AP2A2: variants seen among roughly 807,000 people sequenced by gnomAD.
AP2A2 encodes adaptor related protein complex 2 subunit alpha 2, also known as AP-2 complex subunit alpha-2.
A neutral mutation model predicts 104.2 loss-of-function variants in AP2A2; 32 were observed. That is an observed-to-expected ratio of 0.31 (90% CI 0.23 to 0.41). AP2A2 has a LOEUF of 0.41. Ranked by LOEUF, AP2A2 falls within the 10% of genes least tolerant of loss-of-function variation. The pLI, the probability that AP2A2 is intolerant of heterozygous loss-of-function variation, is 1.00. For missense variants in AP2A2, 912 were observed against 1,261.0 expected (o/e 0.72, Z 4.19); for synonymous variants, 539 against 533.3 (o/e 1.01, Z -0.15).
intron 15 of AP2A2, 38 bp downstream of exon 15, chr11:1,000,636 G>A: frequency 6.6e-7 from 1 of 1,520,862 alleles, no homozygotes; most frequent in African/African-American, 1.4e-5. Flanking sequence ...CAGGCACGGG[G>A]CTGCCGTGCC....
rs899802077 is a variant in AP2A2 at position 968,077 on chromosome 11, G to C, written c.137-2092G>C. 4.6e-5 allele frequency among the ~76,000 whole-genome samples: 7 copies of C among 152,292 alleles called. No homozygotes were observed. The highest frequency in any genetic ancestry group is 1.7e-4 in the African/African-American group (7 of 41,574). On this transcript the variant is annotated intron_variant, in intron 2 of 21. Coordinates refer to ENST00000448903, the MANE Select transcript of AP2A2 (RefSeq NM_012305.4). This position sits in a 1 kb window ranked among gnomAD's most constrained non-coding sequence, Gnocchi z 4.2. ...CCCCACCGAGATGGGTGAGGGTGTG[G>C]AGCGAGCATTGCTGCTTGTTTCCTG... is the stretch of plus-strand genomic sequence containing the variant.
chr11:959,271 C>G (rs1457982624), intron 1 of AP2A2, among the ~76,000 whole-genome samples, 166 bp from the exon 2 acceptor site: 1 of 152,382 alleles, frequency 6.6e-6, no homozygotes, highest in African/African-American at 2.4e-5. Flanking sequence ...GCTGCAGCCC[C>G]TTCCTGCCGG....
intron 2 of AP2A2, among the ~76,000 whole-genome samples, chr11:966,813 G>C (rs7481221): frequency 0.51 from 76,946 of 151,962 alleles, 20,122 homozygotes; most frequent in Middle Eastern, 0.66. Context: ...AAGAGAAGGC[G>C]TGGAGGCTCT....
At chr11:956,983 G>C (rs767744649) in intron 1 of AP2A2, 1 of 152,186 alleles carries the variant, frequency 6.6e-6, no homozygotes, top group Non-Finnish European at 1.5e-5. Context: ...CTACCTGGAG[G>C]TAGTGTCAGA....
chr11:963,416 ACT>A lies in AP2A2; in HGVS notation c.136+3914_136+3915del, dbSNP rs550073127. ...ACTACAGCCTGGGCGACAGAGTGAG[ACT>A]CTGTCTCAGAAAAAAAAACTAAAAA... On this transcript the variant is annotated intron_variant, in intron 2 of 21. Coordinates refer to ENST00000448903, the MANE Select transcript of AP2A2 (RefSeq NM_012305.4). Among the ~76,000 whole-genome samples, 254 of 151,706 alleles carry A rather than the reference ACT, an allele frequency of 1.7e-3. 2 individuals are homozygous for A. The highest frequency in any genetic ancestry group is 6.0e-3 in the African/African-American group (248 of 41,354).
rs550776179 is a variant in AP2A2, at chr11:983,645, A to T, written c.706-1000A>T. ...TGATCCGCCCGCCTTGGCCTCTCAA[A>T]GTGCTGGGATTACAGGCGGGAGCCA... On this transcript the variant is annotated intron_variant, in intron 6 of 21. Coordinates refer to ENST00000448903, the MANE Select transcript of AP2A2 (RefSeq NM_012305.4). Among the ~76,000 whole-genome samples, 473 of 152,148 alleles carry T rather than the reference A, an allele frequency of 3.1e-3. 3 individuals carry two copies. Among genetic ancestry groups the T allele is most frequent in the Admixed American group, 7.8e-3 (120 of 15,300 alleles).
At chr11:984,253 G>T (rs2133704175) in intron 6 of AP2A2, among the ~76,000 whole-genome samples, 1 of 152,308 alleles carries the variant, frequency 6.6e-6, no homozygotes, top group Non-Finnish European at 1.5e-5. Context: ...CCTGTGGTCG[G>T]GGGGCCCTGT....
intron 1 of AP2A2, among the ~76,000 whole-genome samples, chr11:951,521 C>T (rs999048389): frequency 6.6e-5 from 10 of 150,996 alleles, no homozygotes; most frequent in South Asian, 2.1e-4. Context: ...GGCGAGACTC[C>T]GTCTCAAAAA....
intron 1 of AP2A2, among the ~76,000 whole-genome samples, chr11:931,536 A>G (rs1301660080): frequency 2.0e-5 from 3 of 152,198 alleles, no homozygotes; most frequent in Admixed American, 6.5e-5. Flanking sequence ...CAGGAAAACA[A>G]CTTCAGGCAG....
intron 1 of AP2A2, among the ~76,000 whole-genome samples, chr11:955,216 C>T (rs1854196427): frequency 1.3e-5 from 2 of 152,242 alleles, no homozygotes; most frequent in African/African-American, 2.4e-5. Context: ...CACATAGGCA[C>T]ACGCACACTG....
In AP2A2 at chr11:1,006,636, C is replaced by T. The variant is rs772194859; in HGVS notation, c.2296+19C>T. 6.3e-7 allele frequency: 1 copy of T among 1,588,746 alleles called. No homozygotes were observed. The highest frequency in any genetic ancestry group is 8.6e-7 in the Non-Finnish European group (1 of 1,158,050). ...CAGCCTAATATCCTTGGCTTCATTG[C>T]CCCATGCCCGCAGACAGCATAATGT... On this transcript the variant is annotated intron_variant, in intron 17 of 21. Transcript: ENST00000448903.
At chr11:933,570 T>C in intron 1 of AP2A2, 1 of 456,286 alleles carries the variant, frequency 2.2e-6, no homozygotes, top group South Asian at 1.5e-5. Context: ...TGTAAGGGTC[T>C]GGCCAAGACG....
intron 6 of AP2A2, 138 bp downstream of exon 6, chr11:981,437 CCTT>C (rs2133692721): frequency 2.8e-6 from 2 of 718,712 alleles, no homozygotes; most frequent in South Asian, 3.6e-5. Flanking sequence ...TCTCTGTCAG[CCTT>C]CTTGTTGAGA....
intron 1 of AP2A2, among the ~76,000 whole-genome samples, chr11:929,590 C>T (rs1011384939): frequency 1.1e-4 from 16 of 152,180 alleles, no homozygotes; most frequent in African/African-American, 3.6e-4. Flanking sequence ...TTAAGTTTTC[C>T]TCCTTTAGCC....
intron 1 of AP2A2, among the ~76,000 whole-genome samples, chr11:947,319 C>T (rs1323699270): frequency 1.3e-5 from 2 of 151,978 alleles, no homozygotes; most frequent in African/African-American, 2.4e-5. Context: ...CCCCTATCTG[C>T]CTTAAAAGAC....
intron 1 of AP2A2, among the ~76,000 whole-genome samples, chr11:932,402 C>G (rs1853318905): frequency 6.6e-6 from 1 of 152,254 alleles, no homozygotes; most frequent in Non-Finnish European, 1.5e-5. Context: ...TCTGCTTAAA[C>G]TTCAGTATAA....
At chr11:972,788 C>T (rs1487848199) in intron 4 of AP2A2, among the ~76,000 whole-genome samples, 1 of 152,250 alleles carries the variant, frequency 6.6e-6, no homozygotes, top group African/African-American at 2.4e-5. Flanking sequence ...GAAGAACGCC[C>T]ACACCCTGCC....
chr11:977,329 GTC>G (rs1445506741), intron 5 of AP2A2, 105 bp downstream of exon 5: 1 of 1,430,930 alleles, frequency 7.0e-7, no homozygotes, highest in Non-Finnish European at 9.3e-7. Context: ...AGGAGAGGCT[GTC>G]ACAGGGGCTG....
intron 1 of AP2A2, among the ~76,000 whole-genome samples, chr11:936,042 C>T (rs1247712986): frequency 6.6e-6 from 1 of 150,852 alleles, no homozygotes; most frequent in African/African-American, 2.4e-5. Context: ...GCTGGGACTA[C>T]AGGCGCCCAC....
Sources: allele counts gnomAD v4.1 joint callset (sites outside exome capture counted in the v4.1 genomes callset), GRCh38; gene constraint gnomAD v4.1.1; non-coding constraint Gnocchi (gnomAD v3.1); transcripts MANE v1.5; gene names NCBI Gene and HGNC (gene_info 2026-07-23, HGNC 2026-07-21).